DNAJC7: variants seen among roughly 807,000 people sequenced by gnomAD.
DNAJC7 encodes DnaJ heat shock protein family (Hsp40) member C7, also known as dnaJ homolog subfamily C member 7.
DNAJC7 carries 18 observed loss-of-function variants against 67.4 expected under a neutral mutation model. That is an observed-to-expected ratio of 0.27 (90% CI 0.18 to 0.40). DNAJC7 has a LOEUF of 0.40. Among genes scored for constraint, DNAJC7 ranks in the 10% least tolerant of loss-of-function variants. The pLI is 1.00. For missense variants in DNAJC7, 419 were observed against 613.8 expected, an observed-to-expected ratio of 0.68 and a Z score of 3.35; for synonymous variants, 220 against 207.8, an observed-to-expected ratio of 1.06 and a Z score of -0.50.
chr17:42,004,706 T>TA (rs1210794792), intron 1 of DNAJC7, among the ~76,000 whole-genome samples: 1 of 152,232 alleles, frequency 6.6e-6, no homozygotes, highest in Non-Finnish European at 1.5e-5. Flanking sequence ...TTTGCTATTT[T>TA]AAAATGTATT....
chr17:41,976,789 G>C lies in DNAJC7; in HGVS notation c.1448-19C>G. Reference sequence around the variant, plus strand: ...CCAGATGCTGAAAGAGAAAAGAGGGGTTGGTAGTTGGCTATGGATTTTCTA... The same window carrying C: ...CCAGATGCTGAAAGAGAAAAGAGGGCTTGGTAGTTGGCTATGGATTTTCTA... On this transcript the variant is annotated intron_variant, in intron 13 of 13. Coordinates refer to ENST00000457167, the MANE Select transcript of DNAJC7 (RefSeq NM_003315.4). 6.2e-7 allele frequency: 1 copy of C among 1,606,490 alleles called. No individual in the cohort carries two copies. The highest frequency in any genetic ancestry group is 8.5e-7 in the Non-Finnish European group (1 of 1,178,300).
At chr17:42,017,061 T>C (rs782485221) in intron 1 of DNAJC7, 1 of 1,368,774 alleles carries the variant, frequency 7.3e-7, no homozygotes, top group Admixed American at 3.2e-5. Flanking sequence ...CCTCTGAAAT[T>C]GCCCTCGGAG....
At chr17:41,997,602 A>C (rs2051696207) in intron 2 of DNAJC7, among the ~76,000 whole-genome samples, 1 of 152,104 alleles carries the variant, frequency 6.6e-6, no homozygotes, top group African/African-American at 2.4e-5. Context: ...GTCTCAAAAA[A>C]CAAACAAACA....
At chr17:41,983,456 T>G in intron 10 of DNAJC7, 107 bp downstream of exon 10, 1 of 997,216 alleles carries the variant, frequency 1.0e-6, no homozygotes. Context: ...GGTGATCAAA[T>G]AAGTTCTAGG....
At chr17:42,007,042 C>T (rs1029127922) in intron 1 of DNAJC7, among the ~76,000 whole-genome samples, 5 of 143,296 alleles carry the variant, frequency 3.5e-5, no homozygotes, top group Non-Finnish European at 7.6e-5. Flanking sequence ...ATGGAGCTTG[C>T]GGTGAGCTGA....
rs782644478 is a variant in DNAJC7 at position 42,000,379 on chromosome 17, A to G, written c.166+103T>C. 5.1e-5 allele frequency: 43 copies of G among 846,554 alleles called. No individual in the cohort carries two copies. In the Middle Eastern group the frequency reaches 1.5e-3, roughly 29 times the overall value. The allele number at this position is 846,554 out of a possible 1,614,324, so 52.4% of individuals were successfully genotyped here. A position where few individuals can be genotyped will look rare whatever the true frequency, so the allele number is the denominator to read the frequency against. On this transcript the variant is annotated intron_variant, in intron 2 of 13. Coordinates refer to ENST00000457167, the MANE Select transcript of DNAJC7 (RefSeq NM_003315.4). ...AGTGATCCTCCTGCTTTGGCCTCCC[A>G]AAGTGCTGGGATTACAGGCGTGAGC... is the stretch of plus-strand genomic sequence containing the variant.
chr17:42,004,748 G>A (rs1443992606), intron 1 of DNAJC7, among the ~76,000 whole-genome samples: 1 of 152,150 alleles, frequency 6.6e-6, no homozygotes, highest in Non-Finnish European at 1.5e-5. Context: ...CTTGCTGGGC[G>A]CAATGTCTCA....
chr17:42,015,338 C>T (rs538459065), intron 1 of DNAJC7: 3 of 152,238 alleles, frequency 2.0e-5, no homozygotes, highest in African/African-American at 7.2e-5. Context: ...GTACTGCTAT[C>T]AAATACCATG....
chr17:41,989,238 T>C (rs2051453335), intron 7 of DNAJC7, among the ~76,000 whole-genome samples, 166 bp downstream of exon 7: 1 of 152,196 alleles, frequency 6.6e-6, no homozygotes, highest in African/African-American at 2.4e-5. Context: ...TACCTTTAGG[T>C]AAATACAAGT....
intron 3 of DNAJC7, 84 bp from the exon 4 acceptor site, chr17:41,996,508 A>C: frequency 7.8e-7 from 1 of 1,287,030 alleles, no homozygotes; most frequent in Non-Finnish European, 1.1e-6. Context: ...ACCCACACAA[A>C]ACCAACACAG....
chr17:41,980,784 TG>T (rs2051228644), intron 12 of DNAJC7, among the ~76,000 whole-genome samples: 2 of 152,230 alleles, frequency 1.3e-5, no homozygotes, highest in South Asian at 4.1e-4. Context: ...TAAATCTTTT[TG>T]GGAAATTAAA....
intron 12 of DNAJC7, among the ~76,000 whole-genome samples, chr17:41,978,344 C>T (rs964202605): frequency 2.0e-5 from 3 of 152,170 alleles, no homozygotes; most frequent in Non-Finnish European, 4.4e-5. Flanking sequence ...TAGTGAATGA[C>T]CCCGAGTCAG....
chr17:41,989,617 C>A, intron 6 of DNAJC7, 60 bp from the exon 7 acceptor site: 1 of 1,578,658 alleles, frequency 6.3e-7, no homozygotes, highest in South Asian at 1.1e-5. Context: ...ACCATTACTA[C>A]CATTTGTGGC....
intron 5 of DNAJC7, among the ~76,000 whole-genome samples, chr17:41,991,214 G>A (rs373784904): frequency 9.2e-5 from 14 of 152,110 alleles, no homozygotes; most frequent in Admixed American, 5.9e-4. Context: ...CATTCACGCC[G>A]AGAATAAATG....
intron 5 of DNAJC7, 111 bp from the exon 6 acceptor site, chr17:41,990,493 C>T: frequency 1.2e-6 from 1 of 841,612 alleles, no homozygotes; most frequent in South Asian, 1.5e-5. Flanking sequence ...TCTTTGGGTC[C>T]ACTTCTAAGT....
intron 6 of DNAJC7, among the ~76,000 whole-genome samples, chr17:41,989,938 T>C (rs987661824): frequency 9.2e-5 from 14 of 152,224 alleles, no homozygotes; most frequent in African/African-American, 3.4e-4. Context: ...AGAGACCCTG[T>C]GGCCTGCAAA....
At chr17:41,999,806 A>G (rs1188343792) in intron 2 of DNAJC7, among the ~76,000 whole-genome samples, 4 of 152,204 alleles carry the variant, frequency 2.6e-5, no homozygotes, top group African/African-American at 7.2e-5. Flanking sequence ...GGCGTGAGCC[A>G]CTGAGCCTGG....
At chr17:42,008,220 G>A (rs1339703454) in intron 1 of DNAJC7, among the ~76,000 whole-genome samples, 1 of 148,294 alleles carries the variant, frequency 6.7e-6, no homozygotes, top group Non-Finnish European at 1.5e-5. Flanking sequence ...GCTGAGGCGG[G>A]AGAATTATTT....
chr17:41,994,495 G>A (rs1158428693), intron 5 of DNAJC7, among the ~76,000 whole-genome samples: 1 of 147,380 alleles, frequency 6.8e-6, no homozygotes. Flanking sequence ...GCTCCAGCCT[G>A]GGTGACAGAG....
Sources: allele counts gnomAD v4.1 joint callset (sites outside exome capture counted in the v4.1 genomes callset), GRCh38; gene constraint gnomAD v4.1.1; transcripts MANE v1.5; gene names NCBI Gene and HGNC (gene_info 2026-07-23, HGNC 2026-07-21).